IL1RN: variants seen among roughly 807,000 people sequenced by gnomAD.
IL1RN encodes the protein interleukin 1 receptor antagonist, also known as interleukin-1 receptor antagonist protein.
Under a neutral mutation model 13.7 loss-of-function variants are expected in IL1RN, and 10 were observed. That is an observed-to-expected ratio of 0.73 (90% CI 0.45 to 1.24). The LOEUF is 1.24. Among genes scored for constraint, IL1RN ranks in the 50% most tolerant of loss-of-function variants. The probability of loss-of-function intolerance (pLI) is 0.00; values close to 1 mark genes in which losing one functional copy is unlikely to be tolerated. For synonymous variants in IL1RN, 102 were observed against 82.7 expected (o/e 1.23, Z -1.27); for missense variants, 213 against 222.1 (o/e 0.96, Z 0.26).
At chr2:113,107,683 A>C (rs367629919), upstream of IL1RN, among the ~76,000 whole-genome samples, 23 of 152,280 alleles carry the variant, frequency 1.5e-4, no homozygotes, top group East Asian at 3.9e-3. Flanking sequence ...CAGTGAGCTG[A>C]GATCATGCTG....
chr2:113,101,698 C>A, the IL1RN span, among the ~76,000 whole-genome samples: 1 of 152,136 alleles, frequency 6.6e-6, no homozygotes, highest in Non-Finnish European at 1.5e-5. Flanking sequence ...TAGAAACCAC[C>A]GCTCTGAAAG....
intron 2 of IL1RN, among the ~76,000 whole-genome samples, chr2:113,122,189 G>A (rs1003556805): frequency 2.6e-5 from 4 of 152,222 alleles, no homozygotes; most frequent in Admixed American, 6.5e-5. Context: ...TAGTGCTTGC[G>A]TGACACAAAT....
upstream of IL1RN, among the ~76,000 whole-genome samples, chr2:113,103,304 T>C (rs1014316756): frequency 6.6e-6 from 1 of 152,208 alleles, no homozygotes; most frequent in African/African-American, 2.4e-5. Context: ...TCAATTAAAG[T>C]GTTACCTAAC....
upstream of IL1RN, among the ~76,000 whole-genome samples, chr2:113,109,566 A>G (rs1257153509): frequency 2.0e-5 from 3 of 152,126 alleles, no homozygotes; most frequent in Non-Finnish European, 1.5e-5. Context: ...CAGTCCTAAA[A>G]TATTAAACAC....
rs372847811 is a variant in IL1RN, at chr2:113,131,034, T to G, written c.206-11T>G. 2 of 1,554,976 alleles carry G rather than the reference T, an allele frequency of 1.3e-6. No homozygotes were observed. Among genetic ancestry groups the G allele is most frequent in the Admixed American group, 3.3e-5 (2 of 59,960 alleles). ...TCTATTAACCTGACCCTCCCCTCTG[T>G]TCTTCCCCAGAAAAGATAGATGTGG... is the stretch of plus-strand genomic sequence containing the variant. On this transcript the variant is annotated splice_polypyrimidine_tract_variant and intron_variant, in intron 2 of 3. Coordinates refer to ENST00000409930, the MANE Select transcript of IL1RN (RefSeq NM_173842.3).
chr2:113,127,734 C>A lies in IL1RN; in HGVS notation c.110C>A (p.Ala37Asp), dbSNP rs775132427. Residue 37 changes from alanine to aspartate, a missense_variant, in exon 1 of 4, where the codon GCC (alanine) becomes GAC (aspartate). Transcript: ENST00000409930. The part of the protein sequence containing the change: ...PSGRKSSKMQ[A>D]FRIWDVNQKT... The stretch of plus-strand genomic sequence containing the variant: ...GGGAGAAAATCCAGCAAGATGCAAG[C>A]CTTCAGGTAAGGCTACCCCAAGGAG... The A allele has an allele frequency of 1.9e-6, 3 of 1,613,810 alleles. No individual in the cohort carries two copies. In the South Asian group the frequency reaches 3.3e-5, roughly 18 times the overall value.
At chr2:113,121,494 A>G (rs1686782037) in intron 2 of IL1RN, 3 of 985,502 alleles carry the variant, frequency 3.0e-6, no homozygotes, top group Non-Finnish European at 3.6e-6. Flanking sequence ...AAGAGCAAGC[A>G]TGTACCGCTG....
the IL1RN span, among the ~76,000 whole-genome samples, chr2:113,101,035 T>C: frequency 0.013 from 1,947 of 152,300 alleles, 47 homozygotes; most frequent in African/African-American, 0.045. Flanking sequence ...TTATATAGTG[T>C]CTTCAACAAA....
chr2:113,110,553 A>G (rs1361629563), upstream of IL1RN, among the ~76,000 whole-genome samples: 17 of 152,166 alleles, frequency 1.1e-4, no homozygotes, highest in Admixed American at 1.1e-3. Context: ...TGCCCCCTCA[A>G]TTATGACTCC....
intron 2 of IL1RN, among the ~76,000 whole-genome samples, chr2:113,120,976 TTCTTCTTCCTCCCCCTTCTCC>T (rs1475526862): frequency 2.0e-5 from 3 of 151,988 alleles, no homozygotes; most frequent in African/African-American, 7.3e-5. Flanking sequence ...CTTCTTCTTC[TTCTTCTTCCTCCCCCTTCTCC>T]TCTTCTTCTT....
At chr2:113,106,489 T>G (rs968840416), upstream of IL1RN, among the ~76,000 whole-genome samples, 7 of 152,238 alleles carry the variant, frequency 4.6e-5, no homozygotes, top group Non-Finnish European at 5.9e-5. Context: ...CATTGTTCTA[T>G]AATAACTGCT....
chr2:113,105,772 A>T (rs958846472), upstream of IL1RN, among the ~76,000 whole-genome samples: 1 of 152,244 alleles, frequency 6.6e-6, no homozygotes, highest in Admixed American at 6.5e-5. Context: ...TTTTCCTTTT[A>T]ACACATTGAG....
the IL1RN span, among the ~76,000 whole-genome samples, chr2:113,099,723 C>CTTTTTTTTTTTTTTTTTTTTT: frequency 1.4e-5 from 1 of 72,170 alleles, no homozygotes; most frequent in Non-Finnish European, 2.7e-5. Context: ...CCTCTTCTTT[C>CTTTTTTTTTTTTTTTTTTTTT]TTTTCTTTTT....
Position 113,132,899 on chromosome 2 carries a change from C to T in IL1RN, c.*28C>T. 1 of 1,605,540 alleles carries T rather than the reference C, an allele frequency of 6.2e-7. No individual in the cohort carries two copies. Among genetic ancestry groups the T allele is most frequent in the Non-Finnish European group, 8.5e-7 (1 of 1,172,218 alleles). ...CTGCCCAGGCCTGCCTGTTCCCATT[C>T]TTGCATGGCAAGGACTGCAGGGACT... On this transcript the variant is annotated 3_prime_UTR_variant, in exon 4 of 4. Coordinates refer to ENST00000409930, the MANE Select transcript of IL1RN (RefSeq NM_173842.3).
At chr2:113,123,026 G>T (rs1471176386), upstream of IL1RN, among the ~76,000 whole-genome samples, 1 of 152,220 alleles carries the variant, frequency 6.6e-6, no homozygotes, top group Non-Finnish European at 1.5e-5. Flanking sequence ...TCAGGAGGTT[G>T]AGGCAGGGGA....
At chr2:113,114,344 C>T (rs558060410), upstream of IL1RN, among the ~76,000 whole-genome samples, 221 of 152,212 alleles carry the variant, frequency 1.5e-3, no homozygotes, top group African/African-American at 5.2e-3. Context: ...CCAAATGCCT[C>T]GCCCCTGTGA....
chr2:113,100,478 G>C, the IL1RN span, among the ~76,000 whole-genome samples: 1 of 152,158 alleles, frequency 6.6e-6, no homozygotes, highest in Non-Finnish European at 1.5e-5. Flanking sequence ...GCCAAGCACT[G>C]GTCCCTTATG....
chr2:113,127,935 G>C (rs1428338947), intron 1 of IL1RN, among the ~76,000 whole-genome samples, 195 bp downstream of exon 1: 2 of 152,228 alleles, frequency 1.3e-5, no homozygotes, highest in Non-Finnish European at 2.9e-5. Context: ...CCCAGATGTG[G>C]ATAGTGCGAC....
In IL1RN at chr2:113,121,922, G is replaced by A. The variant is rs143564427; in HGVS notation, c.73+1794G>A. ...GAAGACATCAGATTATACCCTGGGG[G>A]TTTGTATTTCTTGTGTTTCTTTCTC... On this transcript the variant is annotated intron_variant, in intron 2 of 5. Transcript: ENST00000259206. Among the ~76,000 whole-genome samples, 32 of 152,350 alleles carry A rather than the reference G, an allele frequency of 2.1e-4. 1 individual carries two copies. In the East Asian group the frequency reaches 6.2e-3, roughly 29 times the overall value.
Sources: allele counts gnomAD v4.1 joint callset (sites outside exome capture counted in the v4.1 genomes callset), GRCh38; gene constraint gnomAD v4.1.1; transcripts MANE v1.5; gene names NCBI Gene and HGNC (gene_info 2026-07-23, HGNC 2026-07-21).